LRMDA: variants seen among roughly 807,000 people sequenced by gnomAD.
The protein encoded by LRMDA is leucine rich melanocyte differentiation associated, also known as leucine-rich melanocyte differentiation-associated protein.
Under a neutral mutation model 29.8 loss-of-function variants are expected in LRMDA, and 18 were observed. That is an observed-to-expected ratio of 0.60 (90% confidence interval 0.42 to 0.90). LRMDA has a LOEUF of 0.90. Ranked by LOEUF, LRMDA falls within the 40% of genes least tolerant of loss-of-function variation. The probability of loss-of-function intolerance (pLI) is 0.00; values close to 1 mark genes in which losing one functional copy is unlikely to be tolerated. For missense variants in LRMDA, 273 were observed against 273.9 expected, an observed-to-expected ratio of 1.00 and a Z score of 0.02; for synonymous variants, 125 against 109.4, an observed-to-expected ratio of 1.14 and a Z score of -0.89.
At chr10:75,706,028 A>G (rs1000827787) in intron 2 of LRMDA, among the ~76,000 whole-genome samples, 1 of 152,332 alleles carries the variant, frequency 6.6e-6, no homozygotes, top group South Asian at 2.1e-4. Context: ...TTCTGGAGGC[A>G]TAACGCTGTA....
intron 5 of LRMDA, among the ~76,000 whole-genome samples, chr10:76,134,037 G>T (rs1160280325): frequency 6.6e-6 from 1 of 152,192 alleles, no homozygotes; most frequent in Non-Finnish European, 1.5e-5. Flanking sequence ...CAAAGTCCAG[G>T]AACAGAGAAC....
chr10:75,769,694 A>C (rs1238407971), intron 2 of LRMDA, among the ~76,000 whole-genome samples: 1 of 152,226 alleles, frequency 6.6e-6, no homozygotes, highest in Non-Finnish European at 1.5e-5. Flanking sequence ...ACATATCAAA[A>C]TTGGCTAAGC....
At chr10:76,100,851 A>G (rs1050185875) in intron 5 of LRMDA, among the ~76,000 whole-genome samples, 1 of 151,134 alleles carries the variant, frequency 6.6e-6, no homozygotes, top group African/African-American at 2.4e-5. Flanking sequence ...TCCTGCCCCC[A>G]CTCTTTCTCT....
intron 2 of LRMDA, among the ~76,000 whole-genome samples, chr10:75,563,882 C>T (rs1022129866): frequency 1.3e-5 from 2 of 151,452 alleles, no homozygotes; most frequent in African/African-American, 4.9e-5. Context: ...TCTGATCGTT[C>T]CTCTGGAAGT....
intron 2 of LRMDA, among the ~76,000 whole-genome samples, chr10:75,675,696 C>T (rs1300137935): frequency 8.9e-6 from 1 of 112,310 alleles, no homozygotes; most frequent in African/African-American, 3.5e-5. Context: ...CACCAGAAAT[C>T]TATTGTTCAA....
chr10:75,834,996 C>T (rs950556546), intron 2 of LRMDA, among the ~76,000 whole-genome samples: 1 of 152,208 alleles, frequency 6.6e-6, no homozygotes, highest in Admixed American at 6.5e-5. Context: ...AATTCCGAAA[C>T]CACTTCTACT....
intron 1 of LRMDA, among the ~76,000 whole-genome samples, chr10:75,433,127 G>A (rs1383661147): frequency 6.6e-6 from 1 of 152,086 alleles, no homozygotes; most frequent in Non-Finnish European, 1.5e-5. Flanking sequence ...CTGGAGGGAG[G>A]GGCTGGACAA....
chr10:75,664,956 C>G (rs975872153), intron 2 of LRMDA, among the ~76,000 whole-genome samples: 1 of 152,156 alleles, frequency 6.6e-6, no homozygotes, highest in Non-Finnish European at 1.5e-5. Flanking sequence ...GATTTAGATA[C>G]TATTTTCAAT....
At chr10:75,591,090 T>C (rs1033732938) in intron 2 of LRMDA, among the ~76,000 whole-genome samples, 3 of 152,058 alleles carry the variant, frequency 2.0e-5, no homozygotes, top group Admixed American at 2.0e-4. Context: ...TAAAAGACAA[T>C]CTGGAGCTGG....
chr10:76,053,216 C>T (rs1848558659), intron 4 of LRMDA, among the ~76,000 whole-genome samples: 1 of 152,128 alleles, frequency 6.6e-6, no homozygotes, highest in South Asian at 2.1e-4. Flanking sequence ...ACTTTACCTT[C>T]AAAACAAACT....
intron 2 of LRMDA, among the ~76,000 whole-genome samples, chr10:75,583,547 A>G (rs1462185591): frequency 2.6e-5 from 4 of 152,214 alleles, no homozygotes; most frequent in Non-Finnish European, 1.5e-5. Context: ...AACCGTCCCC[A>G]TGATCCAATC....
chr10:75,498,140 G>C (rs1845069728), intron 2 of LRMDA, among the ~76,000 whole-genome samples: 1 of 152,088 alleles, frequency 6.6e-6, no homozygotes, highest in South Asian at 2.1e-4. Context: ...GTTTTAATTT[G>C]CCTGTGGTGC....
At chr10:76,232,274 T>C (rs1201021123) in intron 5 of LRMDA, among the ~76,000 whole-genome samples, 1 of 152,214 alleles carries the variant, frequency 6.6e-6, no homozygotes, top group Non-Finnish European at 1.5e-5. Context: ...TCTGATGATA[T>C]AAGGGAGTGA....
At position 75,988,675 on chromosome 10, in the gene LRMDA, A is replaced by G. The variant is rs915044544; in HGVS notation, c.132-47333A>G. Among the ~76,000 whole-genome samples the G allele has an allele frequency of 9.2e-5, 14 of 152,076 alleles. 1 individual carries two copies. Among genetic ancestry groups the G allele is most frequent in the Non-Finnish European group, 1.5e-5 (1 of 68,014 alleles). On this transcript the variant is annotated intron_variant, in intron 2 of 6. Transcript: ENST00000611255. Reference sequence around the variant, plus strand: ...CAGAGCAGCCACGGAGTGCTCTGTTAAAATGTTAGATGAGACCCTGTTACT... The same window carrying G: ...CAGAGCAGCCACGGAGTGCTCTGTTGAAATGTTAGATGAGACCCTGTTACT...
intron 5 of LRMDA, among the ~76,000 whole-genome samples, chr10:76,196,068 C>T (rs1182778667): frequency 6.6e-6 from 1 of 152,154 alleles, no homozygotes; most frequent in African/African-American, 2.4e-5. Flanking sequence ...CTAAGAGGAC[C>T]TTTTCATTGT....
chr10:75,989,996 G>A (rs764481570), intron 2 of LRMDA, among the ~76,000 whole-genome samples: 6 of 152,162 alleles, frequency 3.9e-5, no homozygotes, highest in Non-Finnish European at 7.3e-5. Context: ...TAGGCCTTGG[G>A]TATAATTAGC....
At chr10:76,039,533 G>A (rs1848307292) in intron 3 of LRMDA, among the ~76,000 whole-genome samples, 1 of 152,176 alleles carries the variant, frequency 6.6e-6, no homozygotes, top group Non-Finnish European at 1.5e-5. Flanking sequence ...TTGACTCAAA[G>A]TTAAATGTGT....
intron 5 of LRMDA, among the ~76,000 whole-genome samples, chr10:76,174,128 C>T (rs957529088): frequency 6.6e-6 from 1 of 152,036 alleles, no homozygotes; most frequent in Non-Finnish European, 1.5e-5. Flanking sequence ...ATACACTTTC[C>T]GTTTCATTCT....
At chr10:76,122,301 G>T (rs1849803328) in intron 5 of LRMDA, among the ~76,000 whole-genome samples, 1 of 151,860 alleles carries the variant, frequency 6.6e-6, no homozygotes, top group African/African-American at 2.4e-5. Context: ...ATTGTCTCCT[G>T]CTTGGGCTGT....
Sources: allele counts gnomAD v4.1 joint callset (sites outside exome capture counted in the v4.1 genomes callset), GRCh38; gene constraint gnomAD v4.1.1; transcripts MANE v1.5; gene names NCBI Gene and HGNC (gene_info 2026-07-23, HGNC 2026-07-21).